Variants in KCNH7 observed in about 807,000 individuals in gnomAD.
KCNH7 encodes voltage-gated inwardly rectifying potassium channel KCNH7.
In KCNH7, 49 loss-of-function variants were observed where a neutral mutation model predicts 120.8. The ratio of observed to expected loss-of-function variants is 0.41; its 90% CI spans 0.32 to 0.51. The LOEUF is 0.51. Ranked by LOEUF, KCNH7 falls within the 20% of genes least tolerant of loss-of-function variation. The pLI, the probability that KCNH7 is intolerant of heterozygous loss-of-function variation, is 0.38. For synonymous variants in KCNH7, 547 were observed against 516.1 expected (o/e 1.06, Z -0.81); for missense variants, 1,097 against 1,446.6 (o/e 0.76, Z 3.92).
Position 162,772,608 on chromosome 2 carries a change from C to T in KCNH7, c.307+63929G>A, listed in dbSNP as rs185989289. On this transcript the variant is annotated intron_variant, in intron 2 of 15. Transcript: ENST00000332142. ...CAAGTGACCACCAGATCAGCCAGCT[C>T]AGATATATTTGGAAACACATCAATC... Among the ~76,000 whole-genome samples, 95 of 152,280 alleles carry T rather than the reference C, an allele frequency of 6.2e-4. 1 individual carries two copies. Among genetic ancestry groups the T allele is most frequent in the African/African-American group, 2.3e-3 (94 of 41,566 alleles).
At chr2:162,632,128 A>G (rs997742715) in intron 2 of KCNH7, among the ~76,000 whole-genome samples, 7 of 152,034 alleles carry the variant, frequency 4.6e-5, no homozygotes, top group Admixed American at 2.0e-4. Flanking sequence ...GCAAATCCAC[A>G]TTAATCAACT....
chr2:162,721,914 TTAAAA>T (rs1343748104), intron 2 of KCNH7, among the ~76,000 whole-genome samples: 1 of 152,062 alleles, frequency 6.6e-6, no homozygotes, highest in African/African-American at 2.4e-5. Flanking sequence ...TTATACATAA[TTAAAA>T]TAAAAGAAAC....
At chr2:162,643,577 G>C (rs946962221) in intron 2 of KCNH7, among the ~76,000 whole-genome samples, 1 of 151,948 alleles carries the variant, frequency 6.6e-6, no homozygotes, top group African/African-American at 2.4e-5. Flanking sequence ...GGGAGGCCAA[G>C]GCTGGTGGAT....
intron 11 of KCNH7, 62 bp downstream of exon 11, chr2:162,396,678 T>C: frequency 1.6e-6 from 2 of 1,216,256 alleles, no homozygotes; most frequent in Non-Finnish European, 2.4e-6. Context: ...GAAGTATTTG[T>C]GCAATTCAAG....
At chr2:162,414,826 T>C (rs1468119408) in intron 9 of KCNH7, among the ~76,000 whole-genome samples, 2 of 152,016 alleles carry the variant, frequency 1.3e-5, no homozygotes, top group East Asian at 1.9e-4. Flanking sequence ...AAGTAAAATT[T>C]GTGTATATGA....
intron 6 of KCNH7, among the ~76,000 whole-genome samples, chr2:162,472,329 A>G (rs1408417732): frequency 6.6e-6 from 1 of 152,220 alleles, no homozygotes; most frequent in African/African-American, 2.4e-5. Context: ...AAATTTTTGC[A>G]ATCTACTCAT....
intron 7 of KCNH7, among the ~76,000 whole-genome samples, chr2:162,444,922 A>C (rs1400433534): frequency 6.7e-6 from 1 of 148,720 alleles, no homozygotes; most frequent in South Asian, 2.1e-4. Context: ...CTCAAATTAG[A>C]AAAAAAAAAG....
chr2:162,606,411 C>G (rs1307887428), intron 2 of KCNH7, among the ~76,000 whole-genome samples: 2 of 152,102 alleles, frequency 1.3e-5, no homozygotes, highest in Non-Finnish European at 2.9e-5. Context: ...ATTGATTTAA[C>G]CAGCAGTAAA....
chr2:162,504,455 C>T lies in KCNH7; in HGVS notation c.1116G>A (p.Glu372=), dbSNP rs201129707. 9.5e-5 allele frequency: 153 copies of T among 1,611,986 alleles called. 1 individual carries two copies. The East Asian group carries it at 3.4e-3, about 36-fold the overall frequency. ...KVKDRTHNVT[E]KVTQVLSLGA... is the part of the protein sequence containing the mutation. ...AATTGTGTCCTACCTGGGTCACTTT[C>T]TCAGTCACATTGTGTGTTCGATCTT... is the stretch of plus-strand genomic sequence containing the variant. The change falls in exon 6 of 16, where the codon GAG becomes GAA. Residue 372 remains glutamate (E), a synonymous_variant. Transcript: ENST00000332142.
chr2:162,795,818 G>C (rs1386660381), intron 2 of KCNH7: 1 of 152,050 alleles, frequency 6.6e-6, no homozygotes, highest in Non-Finnish European at 1.5e-5. Flanking sequence ...CATTCAGAGA[G>C]GAAAGCATCC....
chr2:162,543,385 A>G (rs1692378540), intron 2 of KCNH7, among the ~76,000 whole-genome samples: 1 of 152,044 alleles, frequency 6.6e-6, no homozygotes, highest in Non-Finnish European at 1.5e-5. Flanking sequence ...TTGATGGGGT[A>G]ATATGGGACT....
intron 2 of KCNH7, among the ~76,000 whole-genome samples, chr2:162,701,312 C>T (rs896170164): frequency 7.2e-5 from 11 of 151,892 alleles, no homozygotes; most frequent in Admixed American, 2.6e-4. Context: ...GCATCATTGA[C>T]GAGTTACCTG....
intron 2 of KCNH7, among the ~76,000 whole-genome samples, chr2:162,696,957 A>T (rs1475708209): frequency 6.6e-6 from 1 of 152,168 alleles, no homozygotes. Context: ...ACTGGTAAAT[A>T]AATGGAAAGA....
chr2:162,654,817 T>C (rs188924068), intron 2 of KCNH7, among the ~76,000 whole-genome samples: 38 of 152,284 alleles, frequency 2.5e-4, no homozygotes, highest in Non-Finnish European at 4.7e-4. Context: ...AAGGAAATTC[T>C]TGTCATTTGC....
chr2:162,562,219 A>T (rs971972599), intron 2 of KCNH7, among the ~76,000 whole-genome samples: 1 of 152,238 alleles, frequency 6.6e-6, no homozygotes, highest in African/African-American at 2.4e-5. Context: ...TTTTAAAAAA[A>T]GTAAACTTTC....
chr2:162,482,943 C>T lies in KCNH7; in HGVS notation c.1128+21500G>A, dbSNP rs78788261. ...GCAGCTATTAGCAACCTACTTTTTA[C>T]CTGCTGTAACTGAAAATTCTTGGAA... is the stretch of plus-strand genomic sequence containing the variant. On this transcript the variant is annotated intron_variant, in intron 6 of 15. Coordinates refer to ENST00000332142, the MANE Select transcript of KCNH7 (RefSeq NM_033272.4). 1.1e-4 allele frequency among the ~76,000 whole-genome samples: 17 copies of T among 152,198 alleles called. 1 individual carries two copies. The East Asian group carries it at 3.3e-3, about 29-fold the overall frequency.
chr2:162,425,975 A>G (rs539324124), intron 8 of KCNH7, among the ~76,000 whole-genome samples: 466 of 152,234 alleles, frequency 3.1e-3, no homozygotes, highest in African/African-American at 0.011. Context: ...GCACTTTGGG[A>G]GGCTGAGGCA....
At chr2:162,752,998 GAAAAGAAAAGAAAAGAAAAGAAA>G (rs1688648590) in intron 2 of KCNH7, among the ~76,000 whole-genome samples, 2 of 140,276 alleles carry the variant, frequency 1.4e-5, no homozygotes, top group South Asian at 2.2e-4. Context: ...GAAAAGAAAA[GAAAAGAAAAGAAAAGAAAAGAAA>G]AGAAAAGAAA....
intron 2 of KCNH7, among the ~76,000 whole-genome samples, chr2:162,603,119 A>G (rs1290175817): frequency 6.6e-6 from 1 of 151,912 alleles, no homozygotes; most frequent in Non-Finnish European, 1.5e-5. Flanking sequence ...CAATTCTTTG[A>G]TTTTTGAGGT....
Sources: gnomAD v4.1 joint callset for allele counts (sites outside exome capture counted in the v4.1 genomes callset) on GRCh38, gnomAD v4.1.1 for gene constraint, MANE v1.5 for transcripts, NCBI Gene and HGNC (gene_info 2026-07-23, HGNC 2026-07-21) for gene names.